ATXN7L1: variants seen among roughly 807,000 people sequenced by gnomAD.
ATXN7L1 encodes ataxin 7 like 1.
A neutral mutation model predicts 70.8 loss-of-function variants in ATXN7L1; 15 were observed. The ratio of observed to expected loss-of-function variants is 0.21; its 90% CI spans 0.14 to 0.33. ATXN7L1 has a LOEUF of 0.33. Among genes scored for constraint, ATXN7L1 ranks in the 10% least tolerant of loss-of-function variants. The pLI is 1.00. For missense variants in ATXN7L1, 975 were observed against 1,097.1 expected (o/e 0.89, Z 1.57); for synonymous variants, 440 against 445.1 (o/e 0.99, Z 0.14).
At chr7:105,728,697 C>A (rs1465545256) in intron 3 of ATXN7L1, among the ~76,000 whole-genome samples, 1 of 152,092 alleles carries the variant, frequency 6.6e-6, no homozygotes, top group Non-Finnish European at 1.5e-5. Context: ...GGTGCCAGGA[C>A]TCCCTGGAGA....
At chr7:105,717,643 T>C (rs916721506) in intron 3 of ATXN7L1, among the ~76,000 whole-genome samples, 8 of 152,192 alleles carry the variant, frequency 5.3e-5, no homozygotes, top group African/African-American at 1.9e-4. Flanking sequence ...ATGCCCAACA[T>C]GAAGGGAGCC....
At chr7:105,795,757 G>A (rs760863186) in intron 2 of ATXN7L1, among the ~76,000 whole-genome samples, 3 of 151,962 alleles carry the variant, frequency 2.0e-5, no homozygotes, top group South Asian at 2.1e-4. Flanking sequence ...AGAATCCCAC[G>A]GTCGGAAAAA....
chr7:105,766,823 C>T (rs1313054846), intron 3 of ATXN7L1, among the ~76,000 whole-genome samples: 3 of 152,228 alleles, frequency 2.0e-5, no homozygotes, highest in African/African-American at 2.4e-5. Flanking sequence ...GCTGGGTGTA[C>T]ACCCAGGGGG....
chr7:105,758,354 A>G (rs751906844), intron 3 of ATXN7L1, among the ~76,000 whole-genome samples: 1 of 152,216 alleles, frequency 6.6e-6, no homozygotes, highest in Non-Finnish European at 1.5e-5. Flanking sequence ...AAGCATGATT[A>G]TACCCATTTT....
At chr7:105,735,803 A>G (rs1356448437) in intron 3 of ATXN7L1, among the ~76,000 whole-genome samples, 1 of 152,174 alleles carries the variant, frequency 6.6e-6, no homozygotes, top group Non-Finnish European at 1.5e-5. Context: ...ATTTCCTGCT[A>G]TGGATGGGAG....
chr7:105,726,920 A>G (rs376859349), intron 3 of ATXN7L1, among the ~76,000 whole-genome samples: 1 of 152,250 alleles, frequency 6.6e-6, no homozygotes, highest in East Asian at 1.9e-4. Flanking sequence ...CTATTAATTT[A>G]ACAATTAACA....
At chr7:105,649,002 T>C (rs139356088) in intron 4 of ATXN7L1, among the ~76,000 whole-genome samples, 75 of 151,332 alleles carry the variant, frequency 5.0e-4, no homozygotes, top group African/African-American at 1.7e-3. Context: ...TTTATTACAC[T>C]GTTTGCTTAG....
At position 105,614,132 on chromosome 7, in the gene ATXN7L1, G is replaced by A. The variant is rs1793482148; in HGVS notation, c.2202C>T (p.Gly734=). ...AGGAGTCACTGCTGCCTCCCACCGC[G>A]CCCACCTGTCTCACTATGTCCGCGG... ...GGPADIVRQV[G]AVGGSSDSCP... The change falls in exon 10 of 12, where the codon GGC becomes GGT. Residue 734 remains glycine (G), a synonymous_variant. Transcript: ENST00000419735. The surrounding 1 kb of genome is among the most constrained non-coding windows in gnomAD (Gnocchi z 4.3). 9 of 1,551,608 alleles carry A rather than the reference G, an allele frequency of 5.8e-6. No individual in the cohort carries two copies. Among genetic ancestry groups the A allele is most frequent in the Non-Finnish European group, 7.0e-6 (8 of 1,146,946 alleles).
chr7:105,760,333 C>A, intron 3 of ATXN7L1: 6 of 911,944 alleles, frequency 6.6e-6, no homozygotes, highest in Non-Finnish European at 7.9e-6. Context: ...TATGAGGGGG[C>A]TGTTAGGATC....
intron 3 of ATXN7L1, among the ~76,000 whole-genome samples, chr7:105,740,738 A>C (rs1209438528): frequency 6.6e-6 from 1 of 150,736 alleles, no homozygotes. Flanking sequence ...ACATACACAC[A>C]GCAGCTGCTC....
intron 2 of ATXN7L1, among the ~76,000 whole-genome samples, chr7:105,814,319 C>T (rs1007181306): frequency 3.9e-5 from 6 of 152,246 alleles, no homozygotes; most frequent in South Asian, 2.1e-4. Flanking sequence ...ATCTTTGCCC[C>T]GCCTCCTGCC....
chr7:105,770,537 C>A (rs1041908642), intron 3 of ATXN7L1, among the ~76,000 whole-genome samples: 1 of 152,124 alleles, frequency 6.6e-6, no homozygotes, highest in South Asian at 2.1e-4. Context: ...CTAAATGACA[C>A]AGTGACAGGC....
chr7:105,797,996 C>T (rs1806248902), intron 2 of ATXN7L1, among the ~76,000 whole-genome samples: 1 of 152,242 alleles, frequency 6.6e-6, no homozygotes, highest in African/African-American at 2.4e-5. Flanking sequence ...TTTCCATACT[C>T]ATTCATTTTC....
intron 3 of ATXN7L1, among the ~76,000 whole-genome samples, chr7:105,772,848 T>C (rs558454942): frequency 6.6e-6 from 1 of 152,302 alleles, no homozygotes; most frequent in East Asian, 1.9e-4. Flanking sequence ...TTACAAAATA[T>C]ACAATAAATA....
At chr7:105,747,388 C>T (rs1798703509) in intron 3 of ATXN7L1, among the ~76,000 whole-genome samples, 1 of 152,206 alleles carries the variant, frequency 6.6e-6, no homozygotes, top group African/African-American at 2.4e-5. Flanking sequence ...TTAAGAGGAA[C>T]TCACTTTCAG....
intron 3 of ATXN7L1, chr7:105,760,782 A>G (rs1429745250): frequency 6.0e-6 from 1 of 166,782 alleles, no homozygotes; most frequent in South Asian, 2.0e-4. Context: ...TTAGCTTTGG[A>G]AAGCGGGGAT....
At chr7:105,674,123 T>C (rs908835998) in intron 3 of ATXN7L1, among the ~76,000 whole-genome samples, 16 of 152,214 alleles carry the variant, frequency 1.1e-4, no homozygotes, top group Non-Finnish European at 1.9e-4. Flanking sequence ...GCAAAGGTTA[T>C]GCTAGGTCTT....
At chr7:105,826,261 C>T (rs1323011356) in intron 2 of ATXN7L1, among the ~76,000 whole-genome samples, 1 of 152,172 alleles carries the variant, frequency 6.6e-6, no homozygotes, top group Non-Finnish European at 1.5e-5. Context: ...GAACACTAGC[C>T]TGGAGAACTG....
At chr7:105,692,190 C>T (rs1790972243) in intron 3 of ATXN7L1, among the ~76,000 whole-genome samples, 1 of 152,088 alleles carries the variant, frequency 6.6e-6, no homozygotes, top group Non-Finnish European at 1.5e-5. Context: ...TCACATGACA[C>T]ACTGCGGTTA....
Sources: gnomAD v4.1 joint callset for allele counts (sites outside exome capture counted in the v4.1 genomes callset) on GRCh38, gnomAD v4.1.1 for gene constraint, Gnocchi (gnomAD v3.1) non-coding constraint, MANE v1.5 for transcripts, NCBI Gene and HGNC (gene_info 2026-07-23, HGNC 2026-07-21) for gene names.